Variants in PGPEP1 observed in about 807,000 individuals in gnomAD.
PGPEP1 encodes the protein pyroglutamyl-peptidase 1.
PGPEP1 carries 15 observed loss-of-function variants against 24.1 expected under a neutral mutation model. The observed-to-expected ratio is 0.62, with a 90% CI of 0.42 to 0.96. The LOEUF (loss-of-function observed/expected upper bound fraction) is 0.96. Ranked by LOEUF, PGPEP1 falls within the 40% of genes least tolerant of loss-of-function variation. The pLI is 0.00. For missense variants in PGPEP1, 242 were observed against 273.4 expected (o/e 0.89, Z 0.81); for synonymous variants, 122 against 116.4 (o/e 1.05, Z -0.31).
At chr19:18,346,821 G>A (rs1041537880) in intron 2 of PGPEP1, among the ~76,000 whole-genome samples, 6 of 150,934 alleles carry the variant, frequency 4.0e-5, no homozygotes, top group Admixed American at 3.3e-4. Flanking sequence ...TGTATTTTTA[G>A]TAGAGACAGG....
At chr19:18,361,967 A>G in intron 4 of PGPEP1, 1 of 841,946 alleles carries the variant, frequency 1.2e-6, no homozygotes, top group Non-Finnish European at 1.4e-6. Flanking sequence ...CATGGTGTGG[A>G]TAAACCAGAG....
rs1402596674 is a variant in PGPEP1, at chr19:18,340,653, GCAGGTC to G, written c.-27_-22del. ...AGCTGTCGCGCCAGTCGCAACAGAAGCAGGTCCGAGGCACAGCCCGATCCCGCCATG... is the reference window on the plus strand; with the variant it reads ...AGCTGTCGCGCCAGTCGCAACAGAAGCGAGGCACAGCCCGATCCCGCCATG... On this transcript the variant is annotated 5_prime_UTR_variant, in exon 1 of 5. Coordinates refer to ENST00000269919, the MANE Select transcript of PGPEP1 (RefSeq NM_017712.4). 1 of 1,534,050 alleles carries G rather than the reference GCAGGTC, an allele frequency of 6.5e-7. No homozygotes were observed. Among genetic ancestry groups the G allele is most frequent in the Non-Finnish European group, 8.7e-7 (1 of 1,143,940 alleles).
chr19:18,349,161 TG>T, intron 2 of PGPEP1: 1 of 915,782 alleles, frequency 1.1e-6, no homozygotes, highest in Non-Finnish European at 1.3e-6. Context: ...CTTTCTTTCT[TG>T]TTTTTTTGTT....
chr19:18,355,078 C>T (rs549891588), intron 2 of PGPEP1, among the ~76,000 whole-genome samples: 148 of 149,360 alleles, frequency 9.9e-4, no homozygotes, highest in Admixed American at 1.8e-3. Context: ...ATGCCATTCT[C>T]CTGCCTCAGC....
At chr19:18,357,362 C>A in intron 3 of PGPEP1, 21 bp from the exon 4 acceptor site, 3 of 1,600,114 alleles carry the variant, frequency 1.9e-6, no homozygotes, top group Non-Finnish European at 2.6e-6. Flanking sequence ...CATGTTAAGT[C>A]CTGCCCCTGT....
At chr19:18,352,440 AAAG>A (rs1256903014) in intron 2 of PGPEP1, among the ~76,000 whole-genome samples, 4 of 151,728 alleles carry the variant, frequency 2.6e-5, no homozygotes, top group Non-Finnish European at 5.9e-5. Context: ...CAAAAAAAAA[AAAG>A]AAAGAAAGAA....
chr19:18,361,646 A>G, intron 4 of PGPEP1: 1 of 745,656 alleles, frequency 1.3e-6, no homozygotes, highest in Non-Finnish European at 1.6e-6. Context: ...ATATCCTCAT[A>G]TGTCTAATTG....
chr19:18,344,260 C>T (rs1568308219), intron 2 of PGPEP1, among the ~76,000 whole-genome samples: 1 of 151,986 alleles, frequency 6.6e-6, no homozygotes, highest in Non-Finnish European at 1.5e-5. Flanking sequence ...ATTCCTGGTG[C>T]CCTGAAGAAG....
rs1215505287 is a variant in PGPEP1, at chr19:18,363,031, GTT to G, written c.438-358_438-357del. On this transcript the variant is annotated intron_variant, in intron 4 of 4. Transcript: ENST00000269919. ...CACTGGGAGTTATCAAGTTTTTTTTGTTTGTGTGTGTGTGTGTGTGTGTGTGT... is the reference window on the plus strand; with the variant it reads ...CACTGGGAGTTATCAAGTTTTTTTTGTGTGTGTGTGTGTGTGTGTGTGTGT... Among the ~76,000 whole-genome samples, 4 of 133,634 alleles carry G rather than the reference GTT, an allele frequency of 3.0e-5. No individual in the cohort carries two copies. The East Asian group carries it at 6.9e-4, about 23-fold the overall frequency. The allele number at this position is 133,634 out of a possible 152,430, so 87.7% of individuals were successfully genotyped here.
At chr19:18,351,581 G>A (rs987769991) in intron 2 of PGPEP1, among the ~76,000 whole-genome samples, 2 of 143,236 alleles carry the variant, frequency 1.4e-5, no homozygotes, top group South Asian at 2.2e-4. Context: ...CCGAAATCCC[G>A]CCATTGCACT....
chr19:18,364,997 C>G lies in PGPEP1; in HGVS notation c.*1414C>G, dbSNP rs564668510. On this transcript the variant is annotated 3_prime_UTR_variant, in exon 5 of 5. Transcript: ENST00000269919. ...GGAGTTGGCAGAGCTCTGCATGTCC[C>G]GGCATGTCTGAGCAGGAGGAATTCC... is the stretch of plus-strand genomic sequence containing the variant. 6.6e-6 allele frequency: 1 copy of G among 151,982 alleles called. No individual in the cohort carries two copies. The highest frequency in any genetic ancestry group is 2.4e-5 in the African/African-American group (1 of 41,364). The allele number at this position is 151,982 out of a possible 1,614,324, so 9.4% of individuals were successfully genotyped here.
At position 18,364,088 on chromosome 19, in the gene PGPEP1, C is replaced by CTTTCTTTCTTTCTTTCTTTCTTTCTTT. The variant is rs1568320878; in HGVS notation, c.*531_*532insTTTTCTTTCTTTCTTTCTTTCTTTCTT. 5.5e-5 allele frequency: 7 copies of CTTTCTTTCTTTCTTTCTTTCTTTCTTT among 127,710 alleles called. No individual in the cohort carries two copies. Among genetic ancestry groups the CTTTCTTTCTTTCTTTCTTTCTTTCTTT allele is most frequent in the South Asian group, 3.0e-4 (1 of 3,312 alleles). 7.9% of individuals were successfully genotyped at this position (127,710 alleles called of 1,614,324 possible). On this transcript the variant is annotated 3_prime_UTR_variant, in exon 5 of 5. Transcript: ENST00000269919. Reference sequence around the variant, plus strand: ...GGGATATGGCTGGCTGGCTGGCTTTCTTTCTTTCTTTCTTTCTTTCTTTCT... The same window carrying CTTTCTTTCTTTCTTTCTTTCTTTCTTT: ...GGGATATGGCTGGCTGGCTGGCTTTCTTTCTTTCTTTCTTTCTTTCTTTCTTTTTTCTTTCTTTCTTTCTTTCTTTCT...
At chr19:18,345,432 C>A (rs1970802651) in intron 2 of PGPEP1, among the ~76,000 whole-genome samples, 1 of 151,980 alleles carries the variant, frequency 6.6e-6, no homozygotes, top group African/African-American at 2.4e-5. Context: ...CATATATACA[C>A]CCAGAACACT....
chr19:18,356,865 C>T (rs1369775389), intron 3 of PGPEP1, among the ~76,000 whole-genome samples: 2 of 152,042 alleles, frequency 1.3e-5, no homozygotes, highest in Admixed American at 1.3e-4. Context: ...ATGGTGAAAC[C>T]CTGTCTCTAC....
chr19:18,361,720 C>T, intron 4 of PGPEP1: 1 of 985,166 alleles, frequency 1.0e-6, no homozygotes, highest in Non-Finnish European at 1.2e-6. Flanking sequence ...ACACGGAAAC[C>T]ATGAAGCTCC....
chr19:18,363,640 C>A lies in PGPEP1; in HGVS notation c.*57C>A. On this transcript the variant is annotated 3_prime_UTR_variant, in exon 5 of 5. Transcript: ENST00000269919. ...GCTGGGGACCCCACGAGGGGACATC[C>A]ACCCTCTGGGGTGTGGCCAGGAAAA... The A allele has an allele frequency of 1.5e-6, 2 of 1,376,206 alleles. No homozygotes were observed. Among genetic ancestry groups the A allele is most frequent in the Non-Finnish European group, 1.0e-6 (1 of 987,466 alleles). The allele number at this position is 1,376,206 out of a possible 1,614,324, so 85.2% of individuals were successfully genotyped here.
chr19:18,354,040 G>A (rs1033467545), intron 2 of PGPEP1, among the ~76,000 whole-genome samples: 11 of 152,026 alleles, frequency 7.2e-5, no homozygotes, highest in Admixed American at 6.6e-4. Context: ...TTTGAGACCA[G>A]CCTGGCCAAC....
Position 18,364,119 on chromosome 19 carries a change from T to TCTTGCTTTCTTG in PGPEP1, c.*539_*540insGCTTTCTTGCTT. On this transcript the variant is annotated 3_prime_UTR_variant, in exon 5 of 5. Transcript: ENST00000269919. Reference sequence around the variant, plus strand: ...TTCTTTCTTTCTTTCTTTCTTGCTTTCTTTCTTTCTTGCTTTCTTTCTTCT... The same window carrying TCTTGCTTTCTTG: ...TTCTTTCTTTCTTTCTTTCTTGCTTTCTTGCTTTCTTGCTTTCTTTCTTGCTTTCTTTCTTCT... 7 of 138,612 alleles carry TCTTGCTTTCTTG rather than the reference T, an allele frequency of 5.1e-5. No individual in the cohort carries two copies. The highest frequency in any genetic ancestry group is 2.1e-4 in the African/African-American group (7 of 33,622). 8.6% of individuals were successfully genotyped at this position (138,612 alleles called of 1,614,324 possible).
In PGPEP1 at chr19:18,349,194, G is replaced by GT. The variant is rs907753675; in HGVS notation, c.87+6288dup. ...TGTTTGTTTGTTGTTTTTTATTTTTGTTTTTGAGACAGAATCTCACTCTGT... is the reference window on the plus strand; with the variant it reads ...TGTTTGTTTGTTGTTTTTTATTTTTGTTTTTTGAGACAGAATCTCACTCTGT... On this transcript the variant is annotated intron_variant, in intron 2 of 4. Coordinates refer to ENST00000269919, the MANE Select transcript of PGPEP1 (RefSeq NM_017712.4). 3 of 771,606 alleles carry GT rather than the reference G, an allele frequency of 3.9e-6. No individual in the cohort carries two copies. The African/African-American group carries it at 5.7e-5, about 15-fold the overall frequency. The allele number at this position is 771,606 out of a possible 1,614,324, so 47.8% of individuals were successfully genotyped here. A position where few individuals can be genotyped will look rare whatever the true frequency, so the allele number is the denominator to read the frequency against.
Sources: allele counts gnomAD v4.1 joint callset (sites outside exome capture counted in the v4.1 genomes callset), GRCh38; gene constraint gnomAD v4.1.1; transcripts MANE v1.5; gene names NCBI Gene and HGNC (gene_info 2026-07-23, HGNC 2026-07-21).